Variants in MSH3 observed in about 807,000 individuals in gnomAD.
The protein encoded by MSH3 is mutS homolog 3, also known as DNA mismatch repair protein Msh3.
MSH3 carries 106 observed loss-of-function variants against 123.3 expected under a neutral mutation model. That is an observed-to-expected ratio of 0.86 (90% CI 0.73 to 1.01). The LOEUF (loss-of-function observed/expected upper bound fraction) is 1.01. Among genes scored for constraint, MSH3 ranks in the 50% least tolerant of loss-of-function variants. MSH3 has a pLI of 0.00. For synonymous variants in MSH3, 515 were observed against 481.4 expected, an observed-to-expected ratio of 1.07 and a Z score of -0.91; for missense variants, 1,459 against 1,347.6, an observed-to-expected ratio of 1.08 and a Z score of -1.29.
At chr5:80,782,668 G>A (rs924041952) in intron 17 of MSH3, among the ~76,000 whole-genome samples, 1 of 152,068 alleles carries the variant, frequency 6.6e-6, no homozygotes, top group African/African-American at 2.4e-5. Flanking sequence ...TTTTTATCCA[G>A]AAAAAGAATA....
intron 8 of MSH3, among the ~76,000 whole-genome samples, chr5:80,708,983 C>T (rs1750783251): frequency 6.6e-6 from 1 of 152,116 alleles, no homozygotes; most frequent in Non-Finnish European, 1.5e-5. Flanking sequence ...CCATGTTGGC[C>T]AGGCTGGTCT....
At chr5:80,718,382 A>G (rs1332483755) in intron 8 of MSH3, among the ~76,000 whole-genome samples, 2 of 152,168 alleles carry the variant, frequency 1.3e-5, no homozygotes, top group Non-Finnish European at 2.9e-5. Flanking sequence ...CTCCCTGAGT[A>G]GCTGGGACTA....
At chr5:80,851,936 C>A (rs1268416383) in intron 20 of MSH3, among the ~76,000 whole-genome samples, 1 of 152,146 alleles carries the variant, frequency 6.6e-6, no homozygotes, top group African/African-American at 2.4e-5. Flanking sequence ...CTTGTCCAGG[C>A]ACATCTTACA....
At chr5:80,727,651 C>G (rs1207930815) in intron 9 of MSH3, among the ~76,000 whole-genome samples, 1 of 152,124 alleles carries the variant, frequency 6.6e-6, no homozygotes, top group African/African-American at 2.4e-5. Flanking sequence ...TTTATTCGTT[C>G]AGCTAATTTT....
At chr5:80,837,171 C>T (rs956029840) in intron 20 of MSH3, among the ~76,000 whole-genome samples, 16 of 152,144 alleles carry the variant, frequency 1.1e-4, no homozygotes, top group Admixed American at 8.5e-4. Context: ...TTTTAAAATA[C>T]GGAGCTAAAA....
chr5:80,814,526 C>T (rs1745068686), intron 20 of MSH3, among the ~76,000 whole-genome samples: 1 of 152,240 alleles, frequency 6.6e-6, no homozygotes, highest in Non-Finnish European at 1.5e-5. Context: ...CCGCCTTGGC[C>T]TCTCCAAGTG....
chr5:80,709,446 CT>C (rs1335083085), intron 8 of MSH3, among the ~76,000 whole-genome samples: 1 of 152,146 alleles, frequency 6.6e-6, no homozygotes, highest in Non-Finnish European at 1.5e-5. Context: ...CATGGTGAAA[CT>C]CCGTCTCTAC....
At chr5:80,687,417 T>G (rs911119975) in intron 8 of MSH3, among the ~76,000 whole-genome samples, 1 of 152,254 alleles carries the variant, frequency 6.6e-6, no homozygotes, top group African/African-American at 2.4e-5. Flanking sequence ...GGAAACTGAC[T>G]TTTCAGGTGA....
intron 20 of MSH3, among the ~76,000 whole-genome samples, chr5:80,845,359 G>A (rs1487834606): frequency 6.6e-6 from 1 of 152,114 alleles, no homozygotes; most frequent in Non-Finnish European, 1.5e-5. Context: ...CAACCTTGGT[G>A]AATCTGACAA....
intron 21 of MSH3, among the ~76,000 whole-genome samples, chr5:80,862,268 C>T (rs897284555): frequency 3.3e-5 from 5 of 152,032 alleles, no homozygotes; most frequent in Non-Finnish European, 5.9e-5. Flanking sequence ...TGCCTTAATA[C>T]GTTTATTTGT....
At chr5:80,663,686 G>A (rs1327684535) in intron 2 of MSH3, among the ~76,000 whole-genome samples, 5 of 152,140 alleles carry the variant, frequency 3.3e-5, no homozygotes, top group Non-Finnish European at 7.3e-5. Flanking sequence ...TTTGAGAAAA[G>A]AGTCAAATTT....
intron 4 of MSH3, among the ~76,000 whole-genome samples, chr5:80,671,066 T>A (rs1393580452): frequency 2.0e-5 from 3 of 151,116 alleles, no homozygotes; most frequent in Non-Finnish European, 4.4e-5. Context: ...GAGGTTGCAG[T>A]GAGCCGAGAT....
intron 7 of MSH3, among the ~76,000 whole-genome samples, chr5:80,677,426 T>C (rs1749866644): frequency 6.6e-6 from 1 of 152,234 alleles, no homozygotes. Flanking sequence ...TTTGGCTGAC[T>C]GAAAAATTTG....
intron 12 of MSH3, chr5:80,746,633 G>A (rs1339082556): frequency 2.9e-6 from 1 of 340,832 alleles, no homozygotes; most frequent in South Asian, 2.5e-5. Flanking sequence ...GGCCATTTTT[G>A]TGGTGGGTAC....
At chr5:80,692,532 A>C (rs1750314239) in intron 8 of MSH3, among the ~76,000 whole-genome samples, 1 of 85,552 alleles carries the variant, frequency 1.2e-5, no homozygotes, top group South Asian at 3.9e-4. Flanking sequence ...AGATAGATAA[A>C]CATGTATATG....
At chr5:80,870,486 C>T (rs1351787252) in intron 22 of MSH3, among the ~76,000 whole-genome samples, 1 of 152,098 alleles carries the variant, frequency 6.6e-6, no homozygotes, top group Non-Finnish European at 1.5e-5. Flanking sequence ...TGAAGAGTTA[C>T]AAAAAATTAT....
chr5:80,859,828 T>C (rs1477616822), intron 21 of MSH3, among the ~76,000 whole-genome samples: 2 of 151,472 alleles, frequency 1.3e-5, no homozygotes, highest in African/African-American at 4.8e-5. Flanking sequence ...CCTTCCCACC[T>C]CAGCCTCCCA....
chr5:80,656,655 C>T (rs1484517425), intron 2 of MSH3, 124 bp downstream of exon 2: 2 of 1,366,888 alleles, frequency 1.5e-6, no homozygotes, highest in African/African-American at 2.9e-5. Context: ...CCCTTTTGTT[C>T]CTGAGCAGAG....
At chr5:80,799,414 A>T (rs1029464374) in intron 19 of MSH3, among the ~76,000 whole-genome samples, 9 of 150,002 alleles carry the variant, frequency 6.0e-5, no homozygotes, top group Non-Finnish European at 1.0e-4. Context: ...CTTTTTCAGC[A>T]GTCTGCAGCT....
Sources: gnomAD v4.1 joint callset for allele counts (sites outside exome capture counted in the v4.1 genomes callset) on GRCh38, gnomAD v4.1.1 for gene constraint, MANE v1.5 for transcripts, NCBI Gene and HGNC (gene_info 2026-07-23, HGNC 2026-07-21) for gene names.